GFRAL: variants seen among roughly 807,000 people sequenced by gnomAD.
GFRAL encodes GDNF family receptor alpha like.
Under a neutral mutation model 45.4 loss-of-function variants are expected in GFRAL, and 36 were observed. That is an observed-to-expected ratio of 0.79 (90% CI 0.61 to 1.05). The LOEUF (loss-of-function observed/expected upper bound fraction) is 1.05, where lower values mean the gene tolerates loss of function less well. Ranked by LOEUF, GFRAL falls within the 50% of genes least tolerant of loss-of-function variation. The pLI is 0.00. For synonymous variants in GFRAL, 166 were observed against 154.1 expected, an observed-to-expected ratio of 1.08 and a Z score of -0.57; for missense variants, 507 against 467.5, an observed-to-expected ratio of 1.08 and a Z score of -0.78.
At chr6:55,367,289 G>T (rs1457398414) in intron 6 of GFRAL, among the ~76,000 whole-genome samples, 2 of 137,854 alleles carry the variant, frequency 1.5e-5, no homozygotes, top group East Asian at 2.0e-4. Context: ...TTTTCCATTT[G>T]CTTGGTAGAT....
At chr6:55,368,481 G>T (rs1581751463) in intron 6 of GFRAL, among the ~76,000 whole-genome samples, 1 of 152,094 alleles carries the variant, frequency 6.6e-6, no homozygotes, top group Non-Finnish European at 1.5e-5. Flanking sequence ...TCCGTTGCTG[G>T]TGAGGAACTG....
intron 3 of GFRAL, among the ~76,000 whole-genome samples, chr6:55,337,689 T>C (rs555045067): frequency 2.0e-5 from 3 of 152,318 alleles, no homozygotes; most frequent in African/African-American, 4.8e-5. Context: ...GTTTTCAGTT[T>C]ACTGTTTCTT....
At chr6:55,358,401 C>T (rs1470524838) in intron 5 of GFRAL, among the ~76,000 whole-genome samples, 1 of 151,862 alleles carries the variant, frequency 6.6e-6, no homozygotes, top group Non-Finnish European at 1.5e-5. Flanking sequence ...TACCTCACAA[C>T]ATATTGTAAA....
Position 55,347,670 on chromosome 6 carries a change from A to G in GFRAL, c.317-2422A>G, listed in dbSNP as rs180688352. ...AAGTAGATATAAACACATTCTAATG[A>G]TATCGTGGTATGATCTATATGGGAA... On this transcript the variant is annotated intron_variant, in intron 3 of 8. Transcript: ENST00000340465. Among the ~76,000 whole-genome samples, 44 of 152,288 alleles carry G rather than the reference A, an allele frequency of 2.9e-4. No individual in the cohort carries two copies. In the Middle Eastern group the frequency reaches 0.01, roughly 35 times the overall value.
chr6:55,344,433 CA>C (rs1768011631), intron 3 of GFRAL, among the ~76,000 whole-genome samples: 1 of 152,168 alleles, frequency 6.6e-6, no homozygotes, highest in African/African-American at 2.4e-5. Flanking sequence ...GAACCAAAGA[CA>C]AAAACCACAT....
chr6:55,358,993 T>C lies in GFRAL; in HGVS notation c.807T>C (p.Cys269=), dbSNP rs765502588. 8.7e-6 allele frequency: 14 copies of C among 1,613,118 alleles called. No individual in the cohort carries two copies. Among genetic ancestry groups the C allele is most frequent in the Non-Finnish European group, 1.2e-5 (14 of 1,179,376 alleles). ...CCTTAAGCAAACAGGACCTCACTTG[T>C]TCAGGAAGTGATGACTGCAAAGCTG... ...ISTLSKQDLT[C]SGSDDCKAAY... The change falls in exon 6 of 9, where the codon TGT becomes TGC. Residue 269 remains cysteine, a synonymous_variant. Coordinates refer to ENST00000340465, the MANE Select transcript of GFRAL (RefSeq NM_207410.2).
intron 2 of GFRAL, among the ~76,000 whole-genome samples, chr6:55,332,479 G>A (rs1289098616): frequency 6.6e-6 from 1 of 151,776 alleles, no homozygotes; most frequent in Non-Finnish European, 1.5e-5. Context: ...GAGTGTAGCT[G>A]CGTGATCTCG....
rs551379480 is a variant in GFRAL at position 55,373,071 on chromosome 6, A to G, written c.952+13933A>G. Among the ~76,000 whole-genome samples the G allele has an allele frequency of 3.4e-5, 5 of 148,756 alleles. No individual in the cohort carries two copies. In the South Asian group the frequency reaches 6.5e-4, roughly 19 times the overall value. On this transcript the variant is annotated intron_variant, in intron 6 of 8. Coordinates refer to ENST00000340465, the MANE Select transcript of GFRAL (RefSeq NM_207410.2). ...CCACTATAAACCTACATATAGTATCAGGGACAGCAAAACCTCAAAAAAAAA... is the reference window on the plus strand; with the variant it reads ...CCACTATAAACCTACATATAGTATCGGGGACAGCAAAACCTCAAAAAAAAA...
intron 6 of GFRAL, among the ~76,000 whole-genome samples, chr6:55,360,609 T>C (rs1461781424): frequency 2.0e-5 from 3 of 151,996 alleles, no homozygotes; most frequent in Admixed American, 6.6e-5. Flanking sequence ...ACAATTTCTA[T>C]AATTAACACT....
In GFRAL at chr6:55,401,828, C is replaced by T. The variant is rs527946821; in HGVS notation, c.1160C>T (p.Ser387Leu). The change falls in exon 9 of 9, where the codon TCG (serine) becomes TTG (leucine). Residue 387 changes from serine to leucine, a missense_variant. Physicochemically the swap from Ser to Leu is moderately radical, Grantham distance 145. Transcript: ENST00000340465. ...RISSKARDPS[S>L]IQIPGEL is the part of the protein sequence containing the mutation. ...TCAAGTAAAGCAAGAGATCCTTCAT[C>T]GATCCAAATACCTGGAGAACTCTGA... 5.5e-5 allele frequency: 84 copies of T among 1,539,904 alleles called. 1 individual carries two copies. The highest frequency in any genetic ancestry group is 2.5e-4 in the South Asian group (22 of 89,644).
chr6:55,346,946 A>T (rs950330047), intron 3 of GFRAL, among the ~76,000 whole-genome samples: 2 of 151,736 alleles, frequency 1.3e-5, no homozygotes, highest in East Asian at 3.9e-4. Context: ...GTGGTAATTA[A>T]TTTTTTAATT....
chr6:55,341,234 G>A (rs1767960380), intron 3 of GFRAL, among the ~76,000 whole-genome samples: 1 of 152,300 alleles, frequency 6.6e-6, no homozygotes, highest in East Asian at 1.9e-4. Context: ...TCTCAAGTGG[G>A]TCCCTGACCC....
intron 6 of GFRAL, among the ~76,000 whole-genome samples, chr6:55,371,752 TTTGTCATGGTTCTAATATTG>T (rs1768453478): frequency 6.6e-6 from 1 of 152,230 alleles, no homozygotes; most frequent in Non-Finnish European, 1.5e-5. Flanking sequence ...GGTAGAGTGA[TTTGTCATGGTTCTAATATTG>T]TTAGACTATC....
intron 6 of GFRAL, among the ~76,000 whole-genome samples, chr6:55,377,999 C>A (rs1298949155): frequency 6.6e-6 from 1 of 151,984 alleles, no homozygotes; most frequent in Admixed American, 6.6e-5. Flanking sequence ...CATCACTGAA[C>A]TTTATTCATA....
intron 4 of GFRAL, among the ~76,000 whole-genome samples, chr6:55,350,856 C>T (rs897120542): frequency 4.6e-5 from 7 of 152,020 alleles, no homozygotes; most frequent in East Asian, 1.9e-4. Flanking sequence ...TCAAGATTCC[C>T]CTCACAAAAA....
intron 5 of GFRAL, among the ~76,000 whole-genome samples, chr6:55,356,322 A>G (rs979038782): frequency 5.3e-5 from 8 of 151,848 alleles, no homozygotes; most frequent in Non-Finnish European, 1.2e-4. Flanking sequence ...GTTTGGTAAA[A>G]TTCAGCATCA....
At chr6:55,354,272 C>G (rs1768157508) in intron 5 of GFRAL, among the ~76,000 whole-genome samples, 2 of 152,026 alleles carry the variant, frequency 1.3e-5, no homozygotes, top group South Asian at 4.1e-4. Context: ...TCAACACCTT[C>G]TCAGATGGAC....
intron 6 of GFRAL, among the ~76,000 whole-genome samples, chr6:55,359,575 G>C (rs531921546): frequency 1.8e-4 from 27 of 151,984 alleles, no homozygotes; most frequent in African/African-American, 6.3e-4. Context: ...ATGGTCTTTT[G>C]GGGGGTCACT....
At chr6:55,379,503 C>A (rs1322652671) in intron 6 of GFRAL, among the ~76,000 whole-genome samples, 1 of 130,050 alleles carries the variant, frequency 7.7e-6, no homozygotes, top group Admixed American at 7.3e-5. Context: ...GCTTTTTCCC[C>A]AAATTTATAT....
Sources: allele counts gnomAD v4.1 joint callset (sites outside exome capture counted in the v4.1 genomes callset), GRCh38; gene constraint gnomAD v4.1.1; transcripts MANE v1.5; gene names NCBI Gene and HGNC (gene_info 2026-07-23, HGNC 2026-07-21).